Variants in DNAH14 observed in about 807,000 individuals in gnomAD.
DNAH14 encodes the protein dynein axonemal heavy chain 14.
Under a neutral mutation model 520.9 loss-of-function variants are expected in DNAH14, and 478 were observed. That is an observed-to-expected ratio of 0.92 (90% confidence interval 0.85 to 0.99). The LOEUF (loss-of-function observed/expected upper bound fraction) is 0.99. Among genes scored for constraint, DNAH14 ranks in the 50% least tolerant of loss-of-function variants. DNAH14 has a pLI of 0.00. For synonymous variants in DNAH14, 1,581 were observed against 1,757.2 expected, an observed-to-expected ratio of 0.90 and a Z score of 2.51; for missense variants, 4,831 against 5,234.5, an observed-to-expected ratio of 0.92 and a Z score of 2.38.
intron 81 of DNAH14, among the ~76,000 whole-genome samples, chr1:225,387,085 T>TAAA (rs1193524921): frequency 5.9e-5 from 9 of 151,588 alleles, no homozygotes; most frequent in Non-Finnish European, 1.0e-4. Flanking sequence ...ATGTCCTTTG[T>TAAA]AGGGACATGG....
Position 225,246,619 on chromosome 1 carries a change from TA to T in DNAH14, c.6749-5681del, listed in dbSNP as rs373166803. 4.5e-3 allele frequency among the ~76,000 whole-genome samples: 686 copies of T among 152,104 alleles called. 4 individuals are homozygous for T. Among genetic ancestry groups the T allele is most frequent in the African/African-American group, 0.016 (654 of 41,504 alleles). On this transcript the variant is annotated intron_variant, in intron 43 of 85. Transcript: ENST00000682510. ...AAGACATTTATGTGGCCAACAAACATATGAAAAAAAGTTCTTCATCACTGGT... is the reference window on the plus strand; with the variant it reads ...AAGACATTTATGTGGCCAACAAACATTGAAAAAAAGTTCTTCATCACTGGT...
intron 17 of DNAH14, among the ~76,000 whole-genome samples, chr1:225,063,621 C>A (rs1379946566): frequency 6.6e-6 from 1 of 151,916 alleles, no homozygotes; most frequent in Non-Finnish European, 1.5e-5. Flanking sequence ...ACTAAGAAAT[C>A]AAACAAAAAC....
intron 10 of DNAH14, among the ~76,000 whole-genome samples, chr1:225,019,124 A>G (rs2449276): frequency 0.85 from 129,189 of 152,148 alleles, 56,319 homozygotes; most frequent in Non-Finnish European, 0.96. Flanking sequence ...GCCAACTGTG[A>G]CAAACTGGAT....
intron 21 of DNAH14, 94 bp from the exon 22 acceptor site, chr1:225,097,024 T>G: frequency 9.6e-7 from 1 of 1,039,872 alleles, no homozygotes; most frequent in South Asian, 2.4e-5. Flanking sequence ...TGTCAATGAC[T>G]GATAATCACC....
chr1:225,050,835 G>C (rs1434159536), intron 16 of DNAH14, among the ~76,000 whole-genome samples: 2 of 152,200 alleles, frequency 1.3e-5, no homozygotes, highest in Non-Finnish European at 2.9e-5. Context: ...AATACAGTTT[G>C]TCCATGGACA....
At chr1:225,329,436 C>T (rs1224969568) in intron 64 of DNAH14, among the ~76,000 whole-genome samples, 2 of 152,080 alleles carry the variant, frequency 1.3e-5, no homozygotes, top group African/African-American at 4.8e-5. Flanking sequence ...GTTGTGGAGG[C>T]ATTAGTTGAT....
intron 15 of DNAH14, among the ~76,000 whole-genome samples, chr1:225,046,103 GATA>G (rs1424908108): frequency 6.6e-6 from 1 of 150,870 alleles, no homozygotes; most frequent in Non-Finnish European, 1.5e-5. Context: ...GCATATATAT[GATA>G]ATATGTATAT....
Position 225,325,753 on chromosome 1 carries a change from C to T in DNAH14, c.9723+921C>T, listed in dbSNP as rs372271671. On this transcript the variant is annotated intron_variant, in intron 64 of 85. Transcript: ENST00000682510. ...TTGACCTATTACAGTCTTCCCACCC[C>T]TCACCTCATTTTGATATAATCAACA... 7.7e-4 allele frequency among the ~76,000 whole-genome samples: 117 copies of T among 152,252 alleles called. 3 individuals carry two copies. The South Asian group carries it at 0.023, about 30-fold the overall frequency.
At chr1:224,968,685 G>C in intron 6 of DNAH14, 74 bp from the exon 7 acceptor site, 1 of 948,510 alleles carries the variant, frequency 1.1e-6, no homozygotes, top group Non-Finnish European at 1.5e-6. Flanking sequence ...CCAAATACAG[G>C]CTTTCTTAAT....
chr1:225,009,508 C>A (rs2064505208), intron 10 of DNAH14, among the ~76,000 whole-genome samples: 1 of 152,132 alleles, frequency 6.6e-6, no homozygotes, highest in African/African-American at 2.4e-5. Flanking sequence ...GTTACTGCAG[C>A]CTTGTAATAT....
At chr1:225,151,540 G>A (rs2080501207) in intron 31 of DNAH14, among the ~76,000 whole-genome samples, 1 of 152,182 alleles carries the variant, frequency 6.6e-6, no homozygotes, top group South Asian at 2.1e-4. Context: ...AGACACTGAT[G>A]TTCATGCCAA....
In DNAH14 at chr1:225,324,865, C is replaced by T. The variant is rs768671234; in HGVS notation, c.9723+33C>T. 1.3e-5 allele frequency: 19 copies of T among 1,478,888 alleles called. No homozygotes were observed. The South Asian group carries it at 2.1e-4, about 16-fold the overall frequency. 91.6% of individuals were successfully genotyped at this position (1,478,888 alleles called of 1,614,324 possible). A position where few individuals can be genotyped will look rare whatever the true frequency, so the allele number is the denominator to read the frequency against. On this transcript the variant is annotated intron_variant, in intron 64 of 85. Coordinates refer to ENST00000682510, the MANE Select transcript of DNAH14 (RefSeq NM_001367479.1). ...ATACAGTTCAGTTCTCAAAATAAGACAAAACACCAGGACAATGTAATTATC... is the reference window on the plus strand; with the variant it reads ...ATACAGTTCAGTTCTCAAAATAAGATAAAACACCAGGACAATGTAATTATC...
At chr1:225,048,982 T>C in intron 15 of DNAH14, among the ~76,000 whole-genome samples, 1 of 152,030 alleles carries the variant, frequency 6.6e-6, no homozygotes, top group Admixed American at 6.6e-5. Context: ...TTGTTCATCT[T>C]TTATTATGCT....
intron 54 of DNAH14, among the ~76,000 whole-genome samples, chr1:225,287,335 G>A (rs1288307750): frequency 6.6e-6 from 1 of 152,146 alleles, no homozygotes; most frequent in Non-Finnish European, 1.5e-5. Context: ...GGGAAAAGGA[G>A]CCAATATAAA....
At chr1:225,170,144 A>T (rs56339924) in intron 36 of DNAH14, among the ~76,000 whole-genome samples, 24,418 of 152,162 alleles carry the variant, frequency 0.16, 2,248 homozygotes, top group East Asian at 0.25. Context: ...AGGAACAACC[A>T]GTACCAGCCA....
Position 225,207,099 on chromosome 1 carries a change from T to C in DNAH14, c.6318T>C (p.Phe2106=), listed in dbSNP as rs2087675250. 1.0e-5 allele frequency: 16 copies of C among 1,550,988 alleles called. No individual in the cohort carries two copies. In the East Asian group the frequency reaches 1.7e-4, roughly 17 times the overall value. Residue 2106 remains phenylalanine (F), a synonymous_variant, in exon 41 of 86, where the codon TTT becomes TTC. Coordinates refer to ENST00000682510, the MANE Select transcript of DNAH14 (RefSeq NM_001367479.1). ...ATAGTGTCACAGACGGACTACAATT[T>C]ATAAGGAATCGTCAGAAATTTCAGC... ...IKNSVTDGLQ[F]IRNRQKFQPY...
At chr1:225,356,334 C>T (rs567716426) in intron 73 of DNAH14, among the ~76,000 whole-genome samples, 11 of 152,290 alleles carry the variant, frequency 7.2e-5, no homozygotes, top group Non-Finnish European at 1.2e-4. Flanking sequence ...GTCCCTTTGG[C>T]CCAGTGCACT....
At position 225,002,924 on chromosome 1, in the gene DNAH14, A is replaced by G. The variant is rs1313390804; in HGVS notation, c.972A>G (p.Val324=). 3 of 1,545,402 alleles carry G rather than the reference A, an allele frequency of 1.9e-6. No individual in the cohort carries two copies. The East Asian group carries it at 7.4e-5, about 38-fold the overall frequency. The change falls in exon 9 of 86, where the codon GTA becomes GTG. Residue 324 remains valine (V), a synonymous_variant. Transcript: ENST00000682510. ...ATAATCTATCTGCCATATGCCTTGT[A>G]AAGGTGAGTAGAAGTATACTACTAT... ...HENNLSAICL[V]KLDSSRTYSL... is the part of the protein sequence containing the mutation.
intron 11 of DNAH14, chr1:225,024,303 C>G (rs2065930937): frequency 1.1e-5 from 11 of 960,858 alleles, no homozygotes; most frequent in Non-Finnish European, 1.4e-5. Context: ...GAATTTGAGT[C>G]AATTCCAAGA....
Sources: allele counts gnomAD v4.1 joint callset (sites outside exome capture counted in the v4.1 genomes callset), GRCh38; gene constraint gnomAD v4.1.1; transcripts MANE v1.5; gene names NCBI Gene and HGNC (gene_info 2026-07-23, HGNC 2026-07-21).